The following TMEM132D variants were observed in gnomAD, a reference collection of about 807,000 sequenced individuals.
TMEM132D encodes the protein transmembrane protein 132D, also known as mature OL transmembrane protein.
A neutral mutation model predicts 62.3 loss-of-function variants in TMEM132D; 21 were observed. The observed-to-expected ratio is 0.34, with a 90% CI of 0.24 to 0.49. The LOEUF (loss-of-function observed/expected upper bound fraction) is 0.49. Among genes scored for constraint, TMEM132D ranks in the 20% least tolerant of loss-of-function variants. TMEM132D has a pLI of 0.99. For synonymous variants in TMEM132D, 621 were observed against 575.6 expected (o/e 1.08, Z -1.13); for missense variants, 1,346 against 1,402.8 (o/e 0.96, Z 0.65).
At chr12:129,111,440 G>A (rs1352776098) in intron 5 of TMEM132D, 2 of 152,260 alleles carry the variant, frequency 1.3e-5, no homozygotes, top group East Asian at 3.9e-4. Context: ...AAATGGAACA[G>A]CTGCTAAGTG....
At chr12:129,396,369 A>T (rs1871431398) in intron 3 of TMEM132D, among the ~76,000 whole-genome samples, 1 of 152,168 alleles carries the variant, frequency 6.6e-6, no homozygotes, top group African/African-American at 2.4e-5. Flanking sequence ...CTGGACACAC[A>T]TGCACTACAG....
At chr12:129,346,777 G>T (rs1254547453) in intron 3 of TMEM132D, among the ~76,000 whole-genome samples, 5 of 152,078 alleles carry the variant, frequency 3.3e-5, no homozygotes, top group Admixed American at 2.0e-4. Context: ...TTGTCTCTTT[G>T]AAGGTGACAT....
At chr12:129,522,445 C>A (rs1428076008) in intron 3 of TMEM132D, 1 of 151,982 alleles carries the variant, frequency 6.6e-6, no homozygotes, top group Non-Finnish European at 1.5e-5. Flanking sequence ...TTCCCCAGGA[C>A]TTCAAGCCAC....
At position 129,569,685 on chromosome 12, in the gene TMEM132D, C is replaced by A. The variant is rs919438377; in HGVS notation, c.969-38480G>T. ...ACACAGCGTGCCGATTTATGTAACA[C>A]CCTCAACGCTGACCCTGCAGGCTTT... On this transcript the variant is annotated intron_variant, in intron 2 of 8. Coordinates refer to ENST00000422113, the MANE Select transcript of TMEM132D (RefSeq NM_133448.3). Among the ~76,000 whole-genome samples, 14 of 152,128 alleles carry A rather than the reference C, an allele frequency of 9.2e-5. 1 individual carries two copies. Among genetic ancestry groups the A allele is most frequent in the African/African-American group, 3.4e-4 (14 of 41,426 alleles).
chr12:129,666,532 A>T (rs1880383089), intron 2 of TMEM132D, among the ~76,000 whole-genome samples: 1 of 152,210 alleles, frequency 6.6e-6, no homozygotes, highest in Non-Finnish European at 1.5e-5. Flanking sequence ...TCAGATATCA[A>T]ATCTGCTAAA....
chr12:129,788,714 T>C (rs551800429), intron 1 of TMEM132D, among the ~76,000 whole-genome samples: 5 of 152,280 alleles, frequency 3.3e-5, no homozygotes, highest in Non-Finnish European at 5.9e-5. Context: ...CCAGACACTA[T>C]ACCAGGGTAT....
At chr12:129,240,827 AG>A (rs1186488911) in intron 4 of TMEM132D, among the ~76,000 whole-genome samples, 1 of 152,112 alleles carries the variant, frequency 6.6e-6, no homozygotes, top group Non-Finnish European at 1.5e-5. Context: ...TCTGTCTCAG[AG>A]GAAGACAACA....
chr12:129,158,213 T>C lies in TMEM132D; in HGVS notation c.1443+51307A>G, dbSNP rs1048224318. Among the ~76,000 whole-genome samples, 6 of 152,282 alleles carry C rather than the reference T, an allele frequency of 3.9e-5. No individual in the cohort carries two copies. In the South Asian group the frequency reaches 6.2e-4, roughly 16 times the overall value. On this transcript the variant is annotated intron_variant, in intron 5 of 8. Transcript: ENST00000422113. ...TGGAGAGGAGAGGACTGCTCTAAGA[T>C]GCATAAGGAAACTGAATACACATGT... is the stretch of plus-strand genomic sequence containing the variant.
At chr12:129,313,032 C>T (rs917299875) in intron 4 of TMEM132D, among the ~76,000 whole-genome samples, 1 of 151,976 alleles carries the variant, frequency 6.6e-6, no homozygotes, top group African/African-American at 2.4e-5. Flanking sequence ...GGGAAGGTTC[C>T]AGGAATATGT....
intron 4 of TMEM132D, among the ~76,000 whole-genome samples, chr12:129,310,657 A>G (rs1012374754): frequency 1.3e-5 from 2 of 152,228 alleles, no homozygotes; most frequent in Non-Finnish European, 2.9e-5. Context: ...GAAGAAACTC[A>G]GTACATCCGG....
chr12:129,891,979 A>T (rs1358821928), intron 1 of TMEM132D, among the ~76,000 whole-genome samples: 3 of 152,248 alleles, frequency 2.0e-5, no homozygotes, highest in Non-Finnish European at 4.4e-5. Flanking sequence ...CATTTCAAAA[A>T]TAATTTGAAG....
At chr12:129,082,599 C>T (rs1182246982) in intron 6 of TMEM132D, among the ~76,000 whole-genome samples, 2 of 152,158 alleles carry the variant, frequency 1.3e-5, no homozygotes, top group African/African-American at 4.8e-5. Flanking sequence ...TAGATCCTTC[C>T]CCACATGAGC....
At chr12:129,845,722 G>A (rs1593184426) in intron 1 of TMEM132D, among the ~76,000 whole-genome samples, 1 of 152,172 alleles carries the variant, frequency 6.6e-6, no homozygotes, top group African/African-American at 2.4e-5. Context: ...CCCCAAAATT[G>A]GGGCTTAACC....
chr12:129,603,536 G>T (rs565802870), intron 2 of TMEM132D, among the ~76,000 whole-genome samples: 6 of 152,208 alleles, frequency 3.9e-5, no homozygotes, highest in African/African-American at 1.2e-4. Context: ...CTCAACAGAA[G>T]ACATTTATGT....
At chr12:129,849,491 T>G (rs1327842608) in intron 1 of TMEM132D, among the ~76,000 whole-genome samples, 1 of 152,208 alleles carries the variant, frequency 6.6e-6, no homozygotes, top group African/African-American at 2.4e-5. Flanking sequence ...AATAATTGAA[T>G]TTGAATCTAC....
At chr12:129,483,443 A>G (rs1188968782) in intron 3 of TMEM132D, among the ~76,000 whole-genome samples, 1 of 152,234 alleles carries the variant, frequency 6.6e-6, no homozygotes, top group African/African-American at 2.4e-5. Flanking sequence ...AATCTGAGTA[A>G]CACGCATTCT....
At chr12:129,861,503 G>A (rs1873894629) in intron 1 of TMEM132D, among the ~76,000 whole-genome samples, 1 of 152,226 alleles carries the variant, frequency 6.6e-6, no homozygotes, top group Admixed American at 6.5e-5. Flanking sequence ...GCTCACGCCT[G>A]TAATCCCAAC....
intron 3 of TMEM132D, among the ~76,000 whole-genome samples, chr12:129,429,475 G>C (rs1872591392): frequency 6.6e-6 from 1 of 152,262 alleles, no homozygotes. Flanking sequence ...CAGGGAGCTG[G>C]TGCCTTGGCT....
In TMEM132D at chr12:129,277,319, A is replaced by G. The variant is rs1881030783; in HGVS notation, c.1299+60315T>C. On this transcript the variant is annotated intron_variant, in intron 4 of 8. Coordinates refer to ENST00000422113, the MANE Select transcript of TMEM132D (RefSeq NM_133448.3). The surrounding 1 kb of genome is among the most constrained non-coding windows in gnomAD (Gnocchi z 4.2). ...GACTTAGAGGTATTTGTGTCAAATT[A>G]AGGCTTCCACTGTATTTTGAAATGT... 6.6e-6 allele frequency among the ~76,000 whole-genome samples: 1 copy of G among 152,226 alleles called. No homozygotes were observed. Among genetic ancestry groups the G allele is most frequent in the Non-Finnish European group, 1.5e-5 (1 of 68,048 alleles).
Sources: gnomAD v4.1 joint callset for allele counts (sites outside exome capture counted in the v4.1 genomes callset) on GRCh38, gnomAD v4.1.1 for gene constraint, Gnocchi (gnomAD v3.1) non-coding constraint, MANE v1.5 for transcripts, NCBI Gene and HGNC (gene_info 2026-07-23, HGNC 2026-07-21) for gene names.